Variants in CD8A observed in about 807,000 individuals in gnomAD.
CD8A encodes the protein CD8 subunit alpha, also known as T-cell surface glycoprotein CD8 alpha chain.
Under a neutral mutation model 24.2 loss-of-function variants are expected in CD8A, and 25 were observed. The ratio of observed to expected loss-of-function variants is 1.03; its 90% CI spans 0.75 to 1.44. The LOEUF is 1.44. Among genes scored for constraint, CD8A ranks in the 40% most tolerant of loss-of-function variants. The pLI is 0.00. For synonymous variants in CD8A, 165 were observed against 149.9 expected (o/e 1.10, Z -0.74); for missense variants, 360 against 319.7 (o/e 1.13, Z -0.96).
upstream of CD8A, chr2:86,790,998 C>G (rs1293934316): frequency 2.6e-6 from 2 of 761,768 alleles, no homozygotes; most frequent in African/African-American, 1.7e-5. Context: ...AGTCACCCTC[C>G]TTTTCGCGGT....
chr2:86,788,768 G>A (rs542109215), intron 4 of CD8A, among the ~76,000 whole-genome samples: 3 of 152,058 alleles, frequency 2.0e-5, no homozygotes, highest in Non-Finnish European at 4.4e-5. Flanking sequence ...ATTTCTTTGA[G>A]GATTATAACT....
intron 5 of CD8A, among the ~76,000 whole-genome samples, chr2:86,786,990 A>C (rs112463508): frequency 0.63 from 71,549 of 113,956 alleles, 22,832 homozygotes; most frequent in East Asian, 0.91. Context: ...ACTGCACTCA[A>C]GCCTGGGCGA....
In CD8A at chr2:86,787,994, G is replaced by C. The variant is rs184910317; in HGVS notation, c.656+536C>G. ...AGATAGCCAATTGTCCCTGCATCTC[G>C]TTCCCCTTTTTTCTACTCCAGTCCT... On this transcript the variant is annotated intron_variant, in intron 5 of 5. Transcript: ENST00000283635. 9.3e-4 allele frequency among the ~76,000 whole-genome samples: 141 copies of C among 151,624 alleles called. 1 individual carries two copies. Among genetic ancestry groups the C allele is most frequent in the Admixed American group, 8.6e-3 (131 of 15,226 alleles).
chr2:86,788,534 G>T lies in CD8A; in HGVS notation c.652C>A (p.Pro218Thr), dbSNP rs2104433779. The T allele has an allele frequency of 1.2e-6, 2 of 1,613,306 alleles. No homozygotes were observed. The highest frequency in any genetic ancestry group is 1.7e-6 in the Non-Finnish European group (2 of 1,179,532). ...CTGAGTTCAAAAGAGACTCACCGGG[G>T]ACATTTGCAAACACGTCTTCGGTTC... ...HRNRRRVCKC[P>T]RPVVKSGDKP... is the part of the protein sequence containing the mutation. The change falls in exon 5 of 6, where the codon CCC becomes ACC. Residue 218 changes from proline to threonine, a missense_variant. By Grantham distance (38) the Pro-to-Thr change is conservative (BLOSUM62 -1). Coordinates refer to ENST00000283635, the MANE Select transcript of CD8A (RefSeq NM_001768.7).
Position 86,785,156 on chromosome 2 carries a change from A to C in CD8A, c.*764T>G. On this transcript the variant is annotated 3_prime_UTR_variant, in exon 6 of 6. Coordinates refer to ENST00000283635, the MANE Select transcript of CD8A (RefSeq NM_001768.7). ...TCTGCAATGCAAGGGCTGGGAGAGC[A>C]ATTCCGCCTCCACATAGGGGTTTCA... 2.2e-6 allele frequency: 1 copy of C among 454,074 alleles called. No individual in the cohort carries two copies. The highest frequency in any genetic ancestry group is 1.6e-5 in the South Asian group (1 of 64,474). The allele number at this position is 454,074 out of a possible 1,614,324, so 28.1% of individuals were successfully genotyped here.
At chr2:86,791,684 C>T (rs1418351508), upstream of CD8A, 1 of 453,960 alleles carries the variant, frequency 2.2e-6, no homozygotes, top group Non-Finnish European at 4.4e-6. Flanking sequence ...GAAATTCAAC[C>T]CCCAGCTTGG....
intron 3 of CD8A, among the ~76,000 whole-genome samples, chr2:86,799,939 CTTT>C (rs35272576): frequency 7.1e-6 from 1 of 141,094 alleles, no homozygotes; most frequent in Non-Finnish European, 1.5e-5. Flanking sequence ...AATCAGAATT[CTTT>C]TTTTTTTTTT....
intron 4 of CD8A, 117 bp from the exon 5 acceptor site, chr2:86,788,677 A>G: frequency 2.2e-6 from 2 of 922,464 alleles, no homozygotes; most frequent in Non-Finnish European, 3.5e-6. Context: ...TTTTACAAAA[A>G]ATCATTTCAG....
intron 2 of CD8A, among the ~76,000 whole-genome samples, chr2:86,801,845 G>C (rs1022158111): frequency 2.0e-5 from 3 of 151,962 alleles, no homozygotes; most frequent in African/African-American, 7.2e-5. Flanking sequence ...GTTATTTTAT[G>C]GGTTCATTAA....
upstream of CD8A, among the ~76,000 whole-genome samples, chr2:86,793,609 G>A (rs1206848215): frequency 6.6e-6 from 1 of 152,216 alleles, no homozygotes; most frequent in African/African-American, 2.4e-5. Context: ...AGTGTCAAAT[G>A]GCCCTGCTGG....
At chr2:86,798,430 C>T (rs533499888) in intron 3 of CD8A, among the ~76,000 whole-genome samples, 8 of 152,338 alleles carry the variant, frequency 5.3e-5, no homozygotes, top group African/African-American at 1.7e-4. Flanking sequence ...CTGCCTCAGC[C>T]TCCCAAAGTG....
chr2:86,795,421 T>C (rs1057081615), upstream of CD8A, among the ~76,000 whole-genome samples: 11 of 152,170 alleles, frequency 7.2e-5, no homozygotes, highest in African/African-American at 2.7e-4. Flanking sequence ...GATCAGCTGA[T>C]ACCATGCTTT....
intron 2 of CD8A, among the ~76,000 whole-genome samples, chr2:86,807,167 A>T (rs923874756): frequency 4.0e-5 from 6 of 149,268 alleles, no homozygotes; most frequent in South Asian, 2.1e-4. Context: ...AAAATAAAAT[A>T]AAAAAAAAAG....
Position 86,790,675 on chromosome 2 carries a change from G to T in CD8A, c.56C>A (p.Ala19Asp). 1 of 1,597,268 alleles carries T rather than the reference G, an allele frequency of 6.3e-7. No homozygotes were observed. Among genetic ancestry groups the T allele is most frequent in the Non-Finnish European group, 8.5e-7 (1 of 1,178,552 alleles). The change falls in exon 2 of 6, where the codon GCC (alanine) becomes GAC (aspartate). Residue 19 changes from alanine (A) to aspartate (D), a missense_variant. Transcript: ENST00000283635. Reference sequence around the variant, plus strand: ...CGACACCCGGAACTGGCTCGGCCTGGCGGCGTCTGCAGGCGGCAAGCAGCG... The same window carrying T: ...CGACACCCGGAACTGGCTCGGCCTGTCGGCGTCTGCAGGCGGCAAGCAGCG... The part of the protein sequence containing the change: ...LLPLALLLHA[A>D]RPSQFRVSPL...
At chr2:86,795,770 T>G (rs552826879), upstream of CD8A, among the ~76,000 whole-genome samples, 10 of 152,268 alleles carry the variant, frequency 6.6e-5, no homozygotes, top group African/African-American at 2.2e-4. Context: ...GCCACCCATG[T>G]AAGGCCTAGT....
chr2:86,806,426 G>T lies in CD8A; in HGVS notation c.-418+1021C>A, dbSNP rs545511312. 5.9e-5 allele frequency among the ~76,000 whole-genome samples: 9 copies of T among 152,346 alleles called. No individual in the cohort carries two copies. In the South Asian group the frequency reaches 1.9e-3, roughly 32 times the overall value. On this transcript the variant is annotated intron_variant, in intron 2 of 8. Transcript: ENST00000409511. ...AGTCAAGAAGTGGGAGAAGTCAAGG[G>T]CTCTCTCCTCCCTTCCTCCTTGTCC...
chr2:86,791,854 G>A (rs1673324149), upstream of CD8A: 1 of 361,118 alleles, frequency 2.8e-6, no homozygotes, highest in Admixed American at 3.6e-5. Context: ...GGCCTGGAAT[G>A]CTGGTCTGTT....
chr2:86,794,221 A>G (rs561866074), upstream of CD8A, among the ~76,000 whole-genome samples: 3 of 152,172 alleles, frequency 2.0e-5, no homozygotes, highest in Non-Finnish European at 2.9e-5. Context: ...AAATATCCAG[A>G]AGTAGATAGA....
In CD8A at chr2:86,789,372, A is replaced by G. The variant is rs2104436334; in HGVS notation, c.576T>C (p.Thr192=). ...CCAGTGACAGGAGAAGGACCCCACA[A>G]GTCCCGGCCAAGGGCGCCCAGATGT... ...DIYIWAPLAG[T]CGVLLLSLVI... The change falls in exon 4 of 6, where the codon ACT becomes ACC. Residue 192 remains threonine, a synonymous_variant. Transcript: ENST00000283635. 2 of 1,613,938 alleles carry G rather than the reference A, an allele frequency of 1.2e-6. No individual in the cohort carries two copies. The highest frequency in any genetic ancestry group is 8.5e-7 in the Non-Finnish European group (1 of 1,179,846).
Sources: gnomAD v4.1 joint callset for allele counts (sites outside exome capture counted in the v4.1 genomes callset) on GRCh38, gnomAD v4.1.1 for gene constraint, MANE v1.5 for transcripts, NCBI Gene and HGNC (gene_info 2026-07-23, HGNC 2026-07-21) for gene names.